The following GSE1 variants were observed in gnomAD, a reference collection of about 807,000 sequenced individuals.
GSE1 encodes the protein genetic suppressor element 1.
Under a neutral mutation model 112.6 loss-of-function variants are expected in GSE1, and 32 were observed. That is an observed-to-expected ratio of 0.28 (90% CI 0.21 to 0.38). The LOEUF is 0.38. GSE1 is among the 10% of genes least tolerant of loss of function. The pLI, the probability that GSE1 is intolerant of heterozygous loss-of-function variation, is 1.00. For synonymous variants in GSE1, 1,115 were observed against 735.6 expected, an observed-to-expected ratio of 1.52 and a Z score of -8.35; for missense variants, 2,348 against 1,699.2, an observed-to-expected ratio of 1.38 and a Z score of -6.71.
In GSE1 at chr16:85,419,250, G is replaced by T. The variant is rs1049723544; in HGVS notation, c.2464+61607G>T. 6.6e-6 allele frequency among the ~76,000 whole-genome samples: 1 copy of T among 152,160 alleles called. No homozygotes were observed. The highest frequency in any genetic ancestry group is 2.4e-5 in the African/African-American group (1 of 41,430). On this transcript the variant is annotated intron_variant, in intron 2 of 2. Coordinates refer to the GSE1 transcript ENST00000637419. The surrounding 1 kb of genome is among the most constrained non-coding windows in gnomAD (Gnocchi z 6.5). Reference sequence around the variant, plus strand: ...TGCCCGGGCCCTGCCCTTACAAAAGGTTCACCTCATAGAGGGCGCTAGAGG... The same window carrying T: ...TGCCCGGGCCCTGCCCTTACAAAAGTTTCACCTCATAGAGGGCGCTAGAGG...
intron 1 of GSE1, among the ~76,000 whole-genome samples, chr16:85,255,941 G>C (rs552329300): frequency 3.0e-4 from 46 of 151,972 alleles, no homozygotes; most frequent in African/African-American, 1.1e-3. Context: ...TCCTACCACA[G>C]CCTCCCAAAG....
At chr16:85,563,162 A>ATCCTCCTCCTCC (rs199727526) in intron 1 of GSE1, among the ~76,000 whole-genome samples, 4 of 148,654 alleles carry the variant, frequency 2.7e-5, no homozygotes, top group African/African-American at 9.9e-5. Flanking sequence ...TCCACATGGT[A>ATCCTCCTCCTCC]TCCTCCTCCT....
At chr16:85,636,652 G>C (rs1317228947) in intron 2 of GSE1, among the ~76,000 whole-genome samples, 1 of 151,002 alleles carries the variant, frequency 6.6e-6, no homozygotes, top group African/African-American at 2.4e-5. Flanking sequence ...ACAGCGGGTG[G>C]GGTCGTGTCC....
chr16:85,319,017 T>G (rs2046043164), intron 1 of GSE1, among the ~76,000 whole-genome samples: 1 of 152,160 alleles, frequency 6.6e-6, no homozygotes. Context: ...TGGTGTCCTT[T>G]GGAAAGCGAG....
In GSE1 at chr16:85,657,463, G is replaced by A. The variant is rs755714214; in HGVS notation, c.1499G>A (p.Arg500Gln). 2.9e-5 allele frequency: 46 copies of A among 1,609,482 alleles called. No individual in the cohort carries two copies. The highest frequency in any genetic ancestry group is 3.6e-5 in the Non-Finnish European group (43 of 1,178,530). The stretch of plus-strand genomic sequence containing the variant: ...AATGAGGAGGAGAAGTGGCTGGCGC[G>A]GCAGCGGCGGCTGCGGCAGGAGAAG... ...RTNEEEKWLA[R>Q]QRRLRQEKED... is the part of the protein sequence containing the mutation. Residue 500 changes from arginine (R) to glutamine (Q), a missense_variant, in exon 8 of 16, where the codon CGG becomes CAG. By Grantham distance (43) the Arg-to-Gln change is conservative. Transcript: ENST00000253458.
chr16:85,182,688 G>C (rs2074614197), intron 1 of GSE1, among the ~76,000 whole-genome samples: 1 of 152,132 alleles, frequency 6.6e-6, no homozygotes, highest in Non-Finnish European at 1.5e-5. Context: ...CCTGTCTTTA[G>C]GGTTTAAGAC....
chr16:85,656,364 A>T lies in GSE1; in HGVS notation c.1011A>T (p.Leu337=). The T allele has an allele frequency of 6.2e-7, 1 of 1,609,390 alleles. No homozygotes were observed. The highest frequency in any genetic ancestry group is 1.3e-5 in the African/African-American group (1 of 74,252). The change falls in exon 7 of 16, where the codon CTA becomes CTT. Residue 337 remains leucine, a synonymous_variant. Coordinates refer to ENST00000253458, the MANE Select transcript of GSE1 (RefSeq NM_014615.5). ...SAERLQMDEE[L]RRERERERER... is the part of the protein sequence containing the mutation. ...GCAGGCTGCAGATGGACGAGGAGCT[A>T]AGGCGGGAGAGGGAGCGCGAGCGCG... is the stretch of plus-strand genomic sequence containing the variant.
Position 85,656,658 on chromosome 16 carries a change from C to G in GSE1, c.1305C>G (p.Thr435=). 6.6e-7 allele frequency: 1 copy of G among 1,516,920 alleles called. No homozygotes were observed. Among genetic ancestry groups the G allele is most frequent in the Non-Finnish European group, 8.8e-7 (1 of 1,130,914 alleles). 94.0% of individuals were successfully genotyped at this position (1,516,920 alleles called of 1,614,324 possible). The change falls in exon 7 of 16, where the codon ACC becomes ACG. Residue 435 remains threonine (T), a synonymous_variant. Coordinates refer to ENST00000253458, the MANE Select transcript of GSE1 (RefSeq NM_014615.5). The part of the protein sequence containing the change: ...RGKPSEQLTP[T]RAEKLKDAGL... Reference sequence around the variant, plus strand: ...AGCCCTCGGAGCAGCTGACCCCAACCCGAGCAGGTACCTGGGCGTGGGTGG... The same window carrying G: ...AGCCCTCGGAGCAGCTGACCCCAACGCGAGCAGGTACCTGGGCGTGGGTGG...
intron 2 of GSE1, among the ~76,000 whole-genome samples, chr16:85,382,334 C>A (rs1433622347): frequency 6.6e-6 from 1 of 152,216 alleles, no homozygotes; most frequent in African/African-American, 2.4e-5. Context: ...TTGTAGTCAC[C>A]AGACCCTCTG....
intron 1 of GSE1, among the ~76,000 whole-genome samples, chr16:85,202,081 G>C (rs917231298): frequency 1.3e-5 from 2 of 152,242 alleles, no homozygotes; most frequent in African/African-American, 4.8e-5. Flanking sequence ...AGCTGAGCTG[G>C]CGGAAGGTGG....
At chr16:85,649,911 C>A (rs1366463646) in intron 3 of GSE1, among the ~76,000 whole-genome samples, 1 of 152,168 alleles carries the variant, frequency 6.6e-6, no homozygotes, top group Non-Finnish European at 1.5e-5. Flanking sequence ...GAGCCAGCCT[C>A]AGTCCACAGG....
intron 2 of GSE1, among the ~76,000 whole-genome samples, chr16:85,508,792 C>T (rs1413991741): frequency 2.0e-5 from 3 of 152,210 alleles, no homozygotes; most frequent in Admixed American, 6.5e-5. Context: ...TTTACCTGAA[C>T]TGGGGTCCTT....
chr16:85,422,160 C>T (rs2048860356), intron 2 of GSE1, among the ~76,000 whole-genome samples: 1 of 152,166 alleles, frequency 6.6e-6, no homozygotes, highest in Non-Finnish European at 1.5e-5. Context: ...CCCACCTCGG[C>T]CCCCTCCTCC....
At chr16:85,473,453 A>G (rs888064664) in intron 2 of GSE1, among the ~76,000 whole-genome samples, 2 of 152,148 alleles carry the variant, frequency 1.3e-5, no homozygotes, top group Non-Finnish European at 2.9e-5. Flanking sequence ...CTCCGAGTTC[A>G]GGAGGCTGGA....
rs1474488404 is a variant in GSE1, at chr16:85,673,542, T to C, written c.*1003T>C. The C allele has an allele frequency of 6.6e-6, 1 of 151,814 alleles. No individual in the cohort carries two copies. Among genetic ancestry groups the C allele is most frequent in the African/African-American group, 2.4e-5 (1 of 41,010 alleles). 9.4% of individuals were successfully genotyped at this position (151,814 alleles called of 1,614,324 possible). On this transcript the variant is annotated 3_prime_UTR_variant, in exon 16 of 16. Transcript: ENST00000253458. ...GCTGCTGGTCAGGACATTAAAATAT[T>C]GAAGTGTTTTTAAAAATTAAAGAAG...
intron 15 of GSE1, among the ~76,000 whole-genome samples, chr16:85,671,438 T>TGAAAAAAA (rs2053325884): frequency 7.2e-5 from 1 of 13,884 alleles, no homozygotes; most frequent in Non-Finnish European, 1.4e-4. Context: ...AGACTCCGTC[T>TGAAAAAAA]CAAAAAAAAA....
chr16:85,203,017 C>T (rs970516646), intron 1 of GSE1, among the ~76,000 whole-genome samples: 2 of 145,970 alleles, frequency 1.4e-5, no homozygotes, highest in Non-Finnish European at 3.0e-5. Flanking sequence ...TTGGCCAGAA[C>T]ATCTGTGTGT....
chr16:85,476,579 T>C (rs895242158), intron 2 of GSE1, among the ~76,000 whole-genome samples: 1 of 152,194 alleles, frequency 6.6e-6, no homozygotes, highest in African/African-American at 2.4e-5. Context: ...GTACGTGCTG[T>C]TCCCACTGCC....
At chr16:85,582,376 G>C (rs1192864863) in intron 1 of GSE1, among the ~76,000 whole-genome samples, 2 of 152,232 alleles carry the variant, frequency 1.3e-5, no homozygotes, top group African/African-American at 4.8e-5. Flanking sequence ...TGGGGGATGG[G>C]GAAGCCCCCA....
Sources: allele counts gnomAD v4.1 joint callset (sites outside exome capture counted in the v4.1 genomes callset), GRCh38; gene constraint gnomAD v4.1.1; non-coding constraint Gnocchi (gnomAD v3.1); transcripts MANE v1.5; gene names NCBI Gene and HGNC (gene_info 2026-07-23, HGNC 2026-07-21).